The following RTL4 variants were observed in gnomAD, a reference collection of about 807,000 sequenced individuals.
RTL4 encodes retrotransposon Gag like 4.
A neutral mutation model predicts 5.3 loss-of-function variants in RTL4; 4 were observed. The ratio of observed to expected loss-of-function variants is 0.75; its 90% CI spans 0.37 to 1.72. The LOEUF is 1.72. RTL4 is among the 40% of genes most tolerant of loss of function. The pLI, the probability that RTL4 is intolerant of heterozygous loss-of-function variation, is 0.04. For missense variants in RTL4, 260 were observed against 227.1 expected (o/e 1.14, Z -0.93); for synonymous variants, 98 against 87.3 (o/e 1.12, Z -0.68).
chrX:112,160,647 T>C, the RTL4 span, among the ~76,000 whole-genome samples: 2 of 111,555 alleles, frequency 1.8e-5, no homozygotes, highest in Non-Finnish European at 3.8e-5. Context: ...TGCTTTCAGC[T>C]TGGGTGGTAT....
At chrX:112,313,532 G>C in the RTL4 span, among the ~76,000 whole-genome samples, 1 of 111,041 alleles carries the variant, frequency 9.0e-6, no homozygotes, top group African/African-American at 3.3e-5. Context: ...AGATGAAGTT[G>C]GGGCTTTGTC....
At chrX:112,304,926 A>G in the RTL4 span, among the ~76,000 whole-genome samples, 4 of 109,432 alleles carry the variant, frequency 3.7e-5, no homozygotes, top group African/African-American at 1.3e-4. Context: ...AGACCCGACC[A>G]TCACCAAAAG....
At chrX:112,136,981 A>G in the RTL4 span, among the ~76,000 whole-genome samples, 1 of 111,777 alleles carries the variant, frequency 8.9e-6, no homozygotes, top group Admixed American at 9.5e-5. Flanking sequence ...CACTAAAAGC[A>G]TAGGCAACAA....
chrX:112,213,680 G>T, the RTL4 span, among the ~76,000 whole-genome samples: 1 of 111,663 alleles, frequency 9.0e-6, no homozygotes, highest in African/African-American at 3.3e-5. Context: ...TAAGCATACA[G>T]TTCAATGGGA....
At chrX:112,290,668 A>G in the RTL4 span, among the ~76,000 whole-genome samples, 1 of 112,638 alleles carries the variant, frequency 8.9e-6, no homozygotes, top group Non-Finnish European at 1.9e-5. Context: ...GCTTAGACAC[A>G]TAGCTGACCA....
the RTL4 span, among the ~76,000 whole-genome samples, chrX:112,400,745 A>G: frequency 4.0e-4 from 45 of 112,195 alleles, no homozygotes; most frequent in African/African-American, 1.2e-3. Flanking sequence ...ATATTGCAGC[A>G]GTGTTTAGTC....
chrX:112,354,480 T>C, the RTL4 span, among the ~76,000 whole-genome samples: 189 of 111,939 alleles, frequency 1.7e-3, no homozygotes, highest in African/African-American at 5.9e-3. Flanking sequence ...TCCCATAAAA[T>C]TGGTTTTCAC....
chrX:112,204,618 A>C, the RTL4 span, among the ~76,000 whole-genome samples: 2 of 111,541 alleles, frequency 1.8e-5, no homozygotes, highest in South Asian at 7.5e-4. Flanking sequence ...CTAAAAATCA[A>C]AACAATTGAA....
At chrX:112,307,671 AT>A in the RTL4 span, among the ~76,000 whole-genome samples, 10 of 110,751 alleles carry the variant, frequency 9.0e-5, no homozygotes, top group East Asian at 2.8e-3. Context: ...AATTCAGCAC[AT>A]TTTTTCTTGT....
At chrX:112,143,773 G>A in the RTL4 span, among the ~76,000 whole-genome samples, 1 of 111,575 alleles carries the variant, frequency 9.0e-6, no homozygotes, top group African/African-American at 3.3e-5. Context: ...CAGAATTTCT[G>A]GGTATGGGTC....
the RTL4 span, among the ~76,000 whole-genome samples, chrX:112,276,232 G>A: frequency 9.0e-6 from 1 of 111,085 alleles, no homozygotes; most frequent in South Asian, 3.8e-4. Flanking sequence ...TTTTGCTTGA[G>A]GGCAGACTGA....
At chrX:112,328,033 T>A in the RTL4 span, among the ~76,000 whole-genome samples, 20 of 107,678 alleles carry the variant, frequency 1.9e-4, no homozygotes, top group African/African-American at 6.5e-4. Flanking sequence ...GAACAACCGG[T>A]ACCAGCTGCT....
At chrX:112,351,354 G>T in the RTL4 span, among the ~76,000 whole-genome samples, 1 of 108,696 alleles carries the variant, frequency 9.2e-6, no homozygotes, top group Non-Finnish European at 1.9e-5. Context: ...TTGATTTGGG[G>T]TGGAGAGTTC....
At chrX:112,282,269 C>A in the RTL4 span, among the ~76,000 whole-genome samples, 1 of 111,707 alleles carries the variant, frequency 9.0e-6, no homozygotes, top group South Asian at 3.7e-4. Context: ...ATTCTTGGGA[C>A]CTTTGTTAAA....
the RTL4 span, among the ~76,000 whole-genome samples, chrX:112,118,393 T>C: frequency 8.9e-6 from 1 of 112,536 alleles, no homozygotes; most frequent in African/African-American, 3.2e-5. Context: ...AGTCTTCTTT[T>C]CCTTGCCACA....
At chrX:112,097,206 A>G in the RTL4 span, among the ~76,000 whole-genome samples, 4 of 112,096 alleles carry the variant, frequency 3.6e-5, no homozygotes, top group Non-Finnish European at 7.5e-5. Flanking sequence ...GTCACTGTGG[A>G]ATTTACAGTC....
At chrX:112,203,084 G>A in the RTL4 span, among the ~76,000 whole-genome samples, 1 of 110,478 alleles carries the variant, frequency 9.1e-6, no homozygotes, top group Admixed American at 9.7e-5. Context: ...CTGTCTCTTC[G>A]TATCTCTTGC....
the RTL4 span, among the ~76,000 whole-genome samples, chrX:112,316,785 A>T: frequency 9.0e-6 from 1 of 111,674 alleles, no homozygotes; most frequent in Non-Finnish European, 1.9e-5. Flanking sequence ...TCTGTCCCTG[A>T]CATGTGAAAA....
chrX:112,249,349 T>A, the RTL4 span, among the ~76,000 whole-genome samples: 2 of 111,435 alleles, frequency 1.8e-5, no homozygotes, highest in East Asian at 5.6e-4. Context: ...CTGGATCAAC[T>A]CTTGAGATTC....
Sources: allele counts gnomAD v4.1 joint callset (sites outside exome capture counted in the v4.1 genomes callset), GRCh38; gene constraint gnomAD v4.1.1; transcripts MANE v1.5; gene names NCBI Gene and HGNC (gene_info 2026-07-23, HGNC 2026-07-21).